NAV2: variants seen among roughly 807,000 people sequenced by gnomAD.
The protein encoded by NAV2 is helicase, APC down-regulated 1.
NAV2 carries 54 observed loss-of-function variants against 223.2 expected under a neutral mutation model. That is an observed-to-expected ratio of 0.24 (90% confidence interval 0.19 to 0.30). The LOEUF (loss-of-function observed/expected upper bound fraction) is 0.30, where lower values mean the gene tolerates loss of function less well. Among genes scored for constraint, NAV2 ranks in the 10% least tolerant of loss-of-function variants. The pLI is 1.00. For missense variants in NAV2, 2,806 were observed against 3,147.5 expected, an observed-to-expected ratio of 0.89 and a Z score of 2.60; for synonymous variants, 1,279 against 1,239.3, an observed-to-expected ratio of 1.03 and a Z score of -0.67.
intron 1 of NAV2, among the ~76,000 whole-genome samples, chr11:19,436,555 C>G (rs1216515329): frequency 1.3e-5 from 2 of 151,850 alleles, no homozygotes; most frequent in Admixed American, 6.6e-5. Context: ...ATTGCTTTGG[C>G]TATTTGGGGT....
intron 1 of NAV2, among the ~76,000 whole-genome samples, chr11:19,641,705 A>G (rs1179494777): frequency 1.3e-5 from 2 of 151,636 alleles, no homozygotes; most frequent in African/African-American, 2.4e-5. Context: ...TGCTCTTCCT[A>G]TGGTGACTCT....
chr11:19,588,347 C>T lies in NAV2; in HGVS notation c.75+237320C>T, dbSNP rs577938205. On this transcript the variant is annotated intron_variant, in intron 1 of 37. Coordinates refer to the NAV2 transcript ENST00000360655. Reference sequence around the variant, plus strand: ...AACAATCTGGTGTATGGATATTTTACCCAAGGATCTCTGATTAGAGTTTCC... The same window carrying T: ...AACAATCTGGTGTATGGATATTTTATCCAAGGATCTCTGATTAGAGTTTCC... Among the ~76,000 whole-genome samples, 7 of 152,274 alleles carry T rather than the reference C, an allele frequency of 4.6e-5. 1 individual carries two copies. Among genetic ancestry groups the T allele is most frequent in the Admixed American group, 4.6e-4 (7 of 15,296 alleles).
At chr11:19,917,493 C>A (rs1393723592) in intron 6 of NAV2, among the ~76,000 whole-genome samples, 1 of 152,158 alleles carries the variant, frequency 6.6e-6, no homozygotes, top group African/African-American at 2.4e-5. Context: ...AGAGACAACT[C>A]TCCCCTGTAA....
At chr11:19,859,849 G>A (rs2061602065) in intron 3 of NAV2, among the ~76,000 whole-genome samples, 2 of 146,528 alleles carry the variant, frequency 1.4e-5, no homozygotes, top group South Asian at 4.3e-4. Context: ...CCCGGACGGG[G>A]CGGCTGGCCG....
intron 1 of NAV2, among the ~76,000 whole-genome samples, chr11:19,690,173 G>T (rs1425262385): frequency 6.6e-6 from 1 of 152,156 alleles, no homozygotes; most frequent in Admixed American, 6.6e-5. Flanking sequence ...TGTTGGTCAG[G>T]CTGCTCTAGA....
intron 3 of NAV2, among the ~76,000 whole-genome samples, chr11:19,850,487 G>A (rs2061051524): frequency 6.6e-6 from 1 of 152,190 alleles, no homozygotes; most frequent in African/African-American, 2.4e-5. Context: ...TGTGTGTGTA[G>A]CTGGAGGATT....
At chr11:19,924,312 CAAAA>C (rs1192720221) in intron 6 of NAV2, among the ~76,000 whole-genome samples, 3 of 139,808 alleles carry the variant, frequency 2.1e-5, no homozygotes, top group Non-Finnish European at 4.6e-5. Context: ...AAAAAAAAAA[CAAAA>C]AAAAACTGGT....
chr11:19,946,331 A>G lies in NAV2; in HGVS notation c.2147-70A>G, dbSNP rs1011862846. The stretch of plus-strand genomic sequence containing the variant: ...ATGGAATATGGTTATGGTCATAGAC[A>G]TGGATGCTGCCCTTATGAAGCTCAT... On this transcript the variant is annotated intron_variant, in intron 8 of 37. Coordinates refer to ENST00000349880, the MANE Select transcript of NAV2 (RefSeq NM_145117.5). The G allele has an allele frequency of 2.5e-5, 35 of 1,388,068 alleles. No individual in the cohort carries two copies. The Admixed American group carries it at 5.7e-4, about 23-fold the overall frequency. The allele number at this position is 1,388,068 out of a possible 1,614,324, so 86.0% of individuals were successfully genotyped here.
chr11:19,430,237 T>C (rs2702642), intron 1 of NAV2, among the ~76,000 whole-genome samples: 72,002 of 152,032 alleles, frequency 0.47, 17,331 homozygotes, highest in Non-Finnish European at 0.5. Context: ...CTTTGCACTT[T>C]TCGCTTGGCC....
intron 20 of NAV2, among the ~76,000 whole-genome samples, chr11:20,063,067 G>A (rs2058809776): frequency 2.0e-5 from 3 of 152,220 alleles, no homozygotes; most frequent in African/African-American, 7.2e-5. Context: ...AGGATTAAAT[G>A]TTATAAAGAT....
intron 11 of NAV2, chr11:20,022,687 T>G: frequency 2.0e-6 from 2 of 1,006,022 alleles, no homozygotes; most frequent in Non-Finnish European, 1.2e-6. Flanking sequence ...TTCTGTGCAG[T>G]CTGTGAGGAT....
chr11:20,095,869 G>A (rs2061227382), intron 30 of NAV2, 102 bp downstream of exon 30: 4 of 816,614 alleles, frequency 4.9e-6, no homozygotes, highest in South Asian at 4.3e-5. Flanking sequence ...CCATTTCTCA[G>A]ACCTGTCCCC....
chr11:20,037,587 T>C (rs1024734447), intron 12 of NAV2, among the ~76,000 whole-genome samples: 4 of 152,238 alleles, frequency 2.6e-5, no homozygotes, highest in African/African-American at 9.6e-5. Context: ...AAACTACCCA[T>C]ATGACTAGAA....
At chr11:19,567,784 T>C (rs913561110) in intron 1 of NAV2, among the ~76,000 whole-genome samples, 7 of 152,190 alleles carry the variant, frequency 4.6e-5, no homozygotes, top group Admixed American at 4.6e-4. Context: ...CACTTTACCC[T>C]CTCTTTCAAA....
chr11:19,842,449 G>A (rs1467177618), intron 2 of NAV2, among the ~76,000 whole-genome samples: 3 of 152,186 alleles, frequency 2.0e-5, no homozygotes, highest in Non-Finnish European at 4.4e-5. Flanking sequence ...GGAGTGAGAT[G>A]CTTTCATTTG....
chr11:19,418,908 G>A (rs2729923), intron 1 of NAV2, among the ~76,000 whole-genome samples: 106,402 of 151,938 alleles, frequency 0.7, 37,324 homozygotes, highest in Admixed American at 0.73. Flanking sequence ...GTGGCAGTAA[G>A]GAGTGATAGC....
intron 1 of NAV2, among the ~76,000 whole-genome samples, chr11:19,601,714 AT>A (rs2046354821): frequency 6.6e-6 from 1 of 152,134 alleles, no homozygotes; most frequent in African/African-American, 2.4e-5. Context: ...AGAGACTAGG[AT>A]CTTCTCTCTC....
At chr11:19,645,996 A>G (rs1392325743) in intron 1 of NAV2, among the ~76,000 whole-genome samples, 1 of 152,158 alleles carries the variant, frequency 6.6e-6, no homozygotes, top group African/African-American at 2.4e-5. Context: ...AGCTTCTCTC[A>G]TGCAATGTGA....
At chr11:19,606,947 A>G (rs955196715) in intron 1 of NAV2, among the ~76,000 whole-genome samples, 1 of 152,232 alleles carries the variant, frequency 6.6e-6, no homozygotes, top group Admixed American at 6.5e-5. Context: ...AGGATCTCCA[A>G]GTGATTCTCC....
Sources: allele counts gnomAD v4.1 joint callset (sites outside exome capture counted in the v4.1 genomes callset), GRCh38; gene constraint gnomAD v4.1.1; transcripts MANE v1.5; gene names NCBI Gene and HGNC (gene_info 2026-07-23, HGNC 2026-07-21).